Variants in GRIA1 observed in about 807,000 individuals in gnomAD.
GRIA1 encodes glutamate receptor 1.
GRIA1 carries 31 observed loss-of-function variants against 99.2 expected under a neutral mutation model. That is an observed-to-expected ratio of 0.31 (90% CI 0.23 to 0.42). The LOEUF is 0.42. Ranked by LOEUF, GRIA1 falls within the 10% of genes least tolerant of loss-of-function variation. GRIA1 has a pLI of 1.00. For missense variants in GRIA1, 782 were observed against 1,157.5 expected, an observed-to-expected ratio of 0.68 and a Z score of 4.71; for synonymous variants, 438 against 432.4, an observed-to-expected ratio of 1.01 and a Z score of -0.16.
intron 11 of GRIA1, among the ~76,000 whole-genome samples, chr5:153,717,674 C>T (rs942524395): frequency 4.6e-5 from 7 of 152,174 alleles, no homozygotes; most frequent in Non-Finnish European, 1.0e-4. Context: ...ACCACTTCTT[C>T]AGCTGCCATC....
intron 2 of GRIA1, among the ~76,000 whole-genome samples, chr5:153,646,318 C>G (rs760018376): frequency 3.9e-5 from 6 of 152,282 alleles, no homozygotes; most frequent in Admixed American, 1.3e-4. Context: ...AAAATCGACA[C>G]TTGTTTTCTT....
chr5:153,623,836 G>T (rs1188270072), intron 2 of GRIA1, among the ~76,000 whole-genome samples: 3 of 152,152 alleles, frequency 2.0e-5, no homozygotes, highest in Non-Finnish European at 4.4e-5. Context: ...GCTGTTTAAG[G>T]CAATGATGAT....
chr5:153,646,164 T>C (rs1416750833), intron 2 of GRIA1, among the ~76,000 whole-genome samples: 1 of 152,192 alleles, frequency 6.6e-6, no homozygotes, highest in East Asian at 1.9e-4. Context: ...ACAGAATCGG[T>C]CCTGTGGGTA....
At chr5:153,563,048 C>T (rs13164918) in intron 2 of GRIA1, among the ~76,000 whole-genome samples, 20,001 of 151,626 alleles carry the variant, frequency 0.13, 1,492 homozygotes, top group South Asian at 0.25. Context: ...TGGTGGCAGG[C>T]GCCTGTAATC....
chr5:153,750,790 C>T (rs1762460219), intron 11 of GRIA1, among the ~76,000 whole-genome samples: 1 of 152,114 alleles, frequency 6.6e-6, no homozygotes, highest in Admixed American at 6.5e-5. Flanking sequence ...ACAACCATTA[C>T]TCCATTTTGT....
chr5:153,740,857 A>G (rs887690998), intron 11 of GRIA1, among the ~76,000 whole-genome samples: 1 of 152,118 alleles, frequency 6.6e-6, no homozygotes, highest in African/African-American at 2.4e-5. Flanking sequence ...TAGCCCCAGG[A>G]AAGTGTGGTA....
chr5:153,642,617 C>T (rs375581458), intron 2 of GRIA1, among the ~76,000 whole-genome samples: 11 of 144,766 alleles, frequency 7.6e-5, no homozygotes, highest in African/African-American at 1.8e-4. Flanking sequence ...GCCCAGGTGA[C>T]GGAGCCAGAC....
chr5:153,756,071 C>A (rs1426538393), intron 11 of GRIA1, among the ~76,000 whole-genome samples: 1 of 152,230 alleles, frequency 6.6e-6, no homozygotes, highest in African/African-American at 2.4e-5. Context: ...GCCAGTGGAT[C>A]TGAAAGTTAT....
At chr5:153,527,718 A>G (rs1289003954) in intron 2 of GRIA1, among the ~76,000 whole-genome samples, 2 of 152,196 alleles carry the variant, frequency 1.3e-5, no homozygotes, top group African/African-American at 4.8e-5. Flanking sequence ...GTAGTTTCAC[A>G]ATGTTCACTT....
chr5:153,525,604 C>A (rs1179520583), intron 2 of GRIA1: 1 of 151,866 alleles, frequency 6.6e-6, no homozygotes, highest in Admixed American at 6.6e-5. Flanking sequence ...TTGTGTGGAA[C>A]CTGGATGGGC....
rs551977029 is a variant in GRIA1 at position 153,725,159 on chromosome 5, T to C, written c.1823+19092T>C. On this transcript the variant is annotated intron_variant, in intron 11 of 15. Coordinates refer to ENST00000285900, the MANE Select transcript of GRIA1 (RefSeq NM_000827.4). ...ATCCAGCCAAACTAAGCTTCATAAATGAAGGAGAAATAAAATACTTTACAG... is the reference window on the plus strand; with the variant it reads ...ATCCAGCCAAACTAAGCTTCATAAACGAAGGAGAAATAAAATACTTTACAG... Among the ~76,000 whole-genome samples, 1,105 of 151,652 alleles carry C rather than the reference T, an allele frequency of 7.3e-3. 11 individuals are homozygous for C. The highest frequency in any genetic ancestry group is 0.025 in the African/African-American group (1,034 of 41,340).
intron 13 of GRIA1, among the ~76,000 whole-genome samples, chr5:153,787,387 G>A (rs964890130): frequency 2.6e-5 from 4 of 152,158 alleles, no homozygotes; most frequent in African/African-American, 9.7e-5. Flanking sequence ...TAAATGCCAT[G>A]TATGTCACCA....
intron 14 of GRIA1, 140 bp downstream of exon 14, chr5:153,794,875 G>T (rs1765546305): frequency 1.6e-6 from 1 of 624,266 alleles, no homozygotes; most frequent in Non-Finnish European, 2.9e-6. Context: ...AAGCCCTTTG[G>T]TTGAGTAGAA....
At chr5:153,491,086 C>A in intron 1 of GRIA1, 116 bp downstream of exon 1, 1 of 1,130,044 alleles carries the variant, frequency 8.8e-7, no homozygotes, top group Non-Finnish European at 1.3e-6. Flanking sequence ...CTCCCTAAAG[C>A]TGTGCTGCGG....
intron 13 of GRIA1, among the ~76,000 whole-genome samples, chr5:153,774,819 A>G (rs888285107): frequency 8.5e-5 from 13 of 152,376 alleles, no homozygotes; most frequent in Non-Finnish European, 1.8e-4. Flanking sequence ...CATGGTCCCC[A>G]TAGAGTGTTA....
chr5:153,690,973 T>C (rs1342092649), intron 8 of GRIA1, among the ~76,000 whole-genome samples: 1 of 152,186 alleles, frequency 6.6e-6, no homozygotes, highest in African/African-American at 2.4e-5. Flanking sequence ...CTTACCTGAT[T>C]GTGTATAGTA....
At chr5:153,491,030 G>A (rs539516010) in intron 1 of GRIA1, 60 bp downstream of exon 1, 2 of 1,486,988 alleles carry the variant, frequency 1.3e-6, no homozygotes, top group South Asian at 1.1e-5. Flanking sequence ...TTTTTTTGGG[G>A]ATAGGGGTTG....
intron 11 of GRIA1, among the ~76,000 whole-genome samples, chr5:153,708,497 C>T (rs1759079383): frequency 6.6e-6 from 1 of 152,170 alleles, no homozygotes; most frequent in South Asian, 2.1e-4. Flanking sequence ...CAACTCTACT[C>T]TATGCCTCTT....
Position 153,813,043 on chromosome 5 carries a change from C to T in GRIA1, c.*1818C>T, listed in dbSNP as rs937419339. 6.6e-6 allele frequency: 1 copy of T among 152,240 alleles called. No homozygotes were observed. The highest frequency in any genetic ancestry group is 6.5e-5 in the Admixed American group (1 of 15,290). 9.4% of individuals were successfully genotyped at this position (152,240 alleles called of 1,614,324 possible). A position where few individuals can be genotyped will look rare whatever the true frequency, so the allele number is the denominator to read the frequency against. On this transcript the variant is annotated 3_prime_UTR_variant, in exon 16 of 16. Coordinates refer to ENST00000285900, the MANE Select transcript of GRIA1 (RefSeq NM_000827.4). ...GTGGATTCTCTCAGTGGACCCACAC[C>T]ATCTCTATGTCTCTCCACTCTCCTG... is the stretch of plus-strand genomic sequence containing the variant.
Sources: gnomAD v4.1 joint callset for allele counts (sites outside exome capture counted in the v4.1 genomes callset) on GRCh38, gnomAD v4.1.1 for gene constraint, MANE v1.5 for transcripts, NCBI Gene and HGNC (gene_info 2026-07-23, HGNC 2026-07-21) for gene names.